The following MINPP1 variants were observed in gnomAD, a reference collection of about 807,000 sequenced individuals.
MINPP1 encodes the protein multiple inositol-polyphosphate phosphatase 1.
In MINPP1, 28 loss-of-function variants were observed where a neutral mutation model predicts 46.1. That is an observed-to-expected ratio of 0.61 (90% CI 0.45 to 0.83). The LOEUF is 0.83. Among genes scored for constraint, MINPP1 ranks in the 40% least tolerant of loss-of-function variants. The probability of loss-of-function intolerance (pLI) is 0.00; values close to 1 mark genes in which losing one functional copy is unlikely to be tolerated. For synonymous variants in MINPP1, 268 were observed against 249.1 expected (o/e 1.08, Z -0.72); for missense variants, 603 against 610.0 (o/e 0.99, Z 0.12).
At chr10:87,540,556 C>T (rs1851801892) in intron 4 of MINPP1, among the ~76,000 whole-genome samples, 2 of 152,000 alleles carry the variant, frequency 1.3e-5, no homozygotes, top group Non-Finnish European at 2.9e-5. Context: ...GACATATACA[C>T]ATGCTCATAC....
intron 2 of MINPP1, among the ~76,000 whole-genome samples, chr10:87,511,749 T>A (rs74150480): frequency 0.031 from 4,670 of 152,232 alleles, 239 homozygotes; most frequent in African/African-American, 0.1. Context: ...TCTTCCGGTT[T>A]AAGAATATAC....
chr10:87,507,347 T>A (rs1851266749), intron 1 of MINPP1, among the ~76,000 whole-genome samples: 1 of 152,250 alleles, frequency 6.6e-6, no homozygotes. Context: ...AATACCCAGA[T>A]GCACTTGGGA....
chr10:87,522,410 A>T (rs1309680633), intron 4 of MINPP1, among the ~76,000 whole-genome samples: 3 of 152,200 alleles, frequency 2.0e-5, no homozygotes, highest in Non-Finnish European at 4.4e-5. Context: ...AGTTTGAGAA[A>T]TAATTCATAT....
At chr10:87,540,133 G>A (rs989376567) in intron 4 of MINPP1, among the ~76,000 whole-genome samples, 1 of 152,224 alleles carries the variant, frequency 6.6e-6, no homozygotes, top group Non-Finnish European at 1.5e-5. Context: ...GCCTCCCAAA[G>A]TGCTGGGATT....
chr10:87,522,325 G>A (rs375265563), intron 4 of MINPP1, among the ~76,000 whole-genome samples: 10 of 151,968 alleles, frequency 6.6e-5, no homozygotes, highest in East Asian at 5.8e-4. Context: ...GCATTGATGC[G>A]CAATATATTG....
chr10:87,552,665 G>A lies in MINPP1; in HGVS notation c.*187G>A. 1 of 610,340 alleles carries A rather than the reference G, an allele frequency of 1.6e-6. No individual in the cohort carries two copies. Among genetic ancestry groups the A allele is most frequent in the Non-Finnish European group, 2.8e-6 (1 of 352,736 alleles). 37.8% of individuals were successfully genotyped at this position (610,340 alleles called of 1,614,324 possible). On this transcript the variant is annotated 3_prime_UTR_variant, in exon 5 of 5. Coordinates refer to ENST00000371996, the MANE Select transcript of MINPP1 (RefSeq NM_004897.5). ...ATGTAAGAAAAGATTTTTCACTGGA[G>A]CAGCTCTCTTAAGGAGAAACAAATC... is the stretch of plus-strand genomic sequence containing the variant.
At chr10:87,531,485 G>C (rs751944827) in intron 4 of MINPP1, among the ~76,000 whole-genome samples, 1 of 152,198 alleles carries the variant, frequency 6.6e-6, no homozygotes, top group African/African-American at 2.4e-5. Context: ...TGCATGGCTT[G>C]TAGTAGCAGG....
intron 4 of MINPP1, among the ~76,000 whole-genome samples, chr10:87,525,785 T>A (rs1851568164): frequency 6.6e-6 from 1 of 152,250 alleles, no homozygotes; most frequent in South Asian, 2.1e-4. Flanking sequence ...AGTTCCCACC[T>A]ATGAGTGAAA....
At chr10:87,537,048 T>A (rs1851745769) in intron 4 of MINPP1, among the ~76,000 whole-genome samples, 3 of 152,202 alleles carry the variant, frequency 2.0e-5, no homozygotes, top group African/African-American at 7.2e-5. Context: ...GCAGTTCTCC[T>A]GGCTCAGCCT....
At chr10:87,550,880 T>A (rs978430706) in intron 4 of MINPP1, among the ~76,000 whole-genome samples, 15 of 152,038 alleles carry the variant, frequency 9.9e-5, no homozygotes, top group African/African-American at 3.6e-4. Context: ...GCCCCGGGCC[T>A]CACTGTAGGC....
intron 4 of MINPP1, among the ~76,000 whole-genome samples, chr10:87,524,168 C>A (rs1477680118): frequency 6.6e-6 from 1 of 152,192 alleles, no homozygotes; most frequent in Admixed American, 6.5e-5. Flanking sequence ...AGTATAGTGA[C>A]CTTCAGTTAT....
Position 87,552,509 on chromosome 10 carries a change from A to G in MINPP1, c.*31A>G, listed in dbSNP as rs1851979655. The G allele has an allele frequency of 6.2e-7, 1 of 1,602,616 alleles. No homozygotes were observed. The highest frequency in any genetic ancestry group is 8.5e-7 in the Non-Finnish European group (1 of 1,174,322). ...TGAAGAACATTTTTAATTCTTTAGG[A>G]ATCTGCAATGAGTGATTACATGCTT... On this transcript the variant is annotated 3_prime_UTR_variant, in exon 5 of 5. Coordinates refer to ENST00000371996, the MANE Select transcript of MINPP1 (RefSeq NM_004897.5).
chr10:87,513,067 C>T (rs1402832001), intron 2 of MINPP1, 57 bp from the exon 3 acceptor site: 3 of 1,241,074 alleles, frequency 2.4e-6, no homozygotes, highest in South Asian at 1.2e-5. Context: ...GATATTTAGC[C>T]TTTGAAAAAT....
At chr10:87,518,305 T>A (rs993367097) in intron 3 of MINPP1, among the ~76,000 whole-genome samples, 1 of 152,112 alleles carries the variant, frequency 6.6e-6, no homozygotes, top group Non-Finnish European at 1.5e-5. Flanking sequence ...CATGTGAGAA[T>A]TTTTTAAATC....
chr10:87,548,910 C>A (rs925638174), intron 4 of MINPP1, among the ~76,000 whole-genome samples: 40 of 152,218 alleles, frequency 2.6e-4, no homozygotes, highest in African/African-American at 8.9e-4. Context: ...AAAAAGTTAG[C>A]ACTTTTCCTT....
At chr10:87,534,656 A>G (rs1287972841) in intron 4 of MINPP1, among the ~76,000 whole-genome samples, 3 of 152,228 alleles carry the variant, frequency 2.0e-5, no homozygotes, top group South Asian at 2.1e-4. Context: ...GCTGACCCCA[A>G]CAGTAGAACC....
Position 87,508,512 on chromosome 10 carries a change from C to T in MINPP1, c.814C>T (p.Pro272Ser). The T allele has an allele frequency of 6.2e-7, 1 of 1,613,234 alleles. No homozygotes were observed. Among genetic ancestry groups the T allele is most frequent in the East Asian group, 2.2e-5 (1 of 44,802 alleles). ...AAAAGTTGCAGCTACTTTGCAAGTG[C>T]CAGTAAATGATTTAAATGCAGGTAA... ...LKKVAATLQV[P>S]VNDLNADLIQ... Residue 272 changes from proline (P) to serine (S), a missense_variant, in exon 2 of 5, where the codon CCA becomes TCA. Around this residue, in one of 3 missense-constraint regions of MINPP1, gnomAD observed 344 missense variants for 381.1 expected, o/e 0.90. Transcript: ENST00000371996.
chr10:87,542,317 CTT>C (rs34500466), intron 4 of MINPP1, among the ~76,000 whole-genome samples: 3 of 148,594 alleles, frequency 2.0e-5, no homozygotes, highest in Non-Finnish European at 4.5e-5. Context: ...CTCTCTCTCT[CTT>C]TTTTTTTTTA....
chr10:87,512,247 CAAAGT>C (rs1851345212), intron 2 of MINPP1, among the ~76,000 whole-genome samples: 1 of 152,112 alleles, frequency 6.6e-6, no homozygotes, highest in South Asian at 2.1e-4. Context: ...ATATGTATCT[CAAAGT>C]AATGTAATCA....
Sources: gnomAD v4.1 joint callset for allele counts (sites outside exome capture counted in the v4.1 genomes callset) on GRCh38, gnomAD v4.1.1 for gene constraint, gnomAD v4.1.1 regional missense constraint, MANE v1.5 for transcripts, NCBI Gene and HGNC (gene_info 2026-07-23, HGNC 2026-07-21) for gene names.